Variants in ASPRV1 observed in about 807,000 individuals in gnomAD.
ASPRV1 encodes the protein aspartic peptidase retroviral like 1, also known as retroviral-like aspartic protease 1.
Under a neutral mutation model 11.0 loss-of-function variants are expected in ASPRV1, and 7 were observed. That is an observed-to-expected ratio of 0.64 (90% confidence interval 0.36 to 1.20). The LOEUF is 1.20. ASPRV1 is among the 50% of genes most tolerant of loss of function. ASPRV1 has a pLI of 0.02. For synonymous variants in ASPRV1, 136 were observed against 138.4 expected, an observed-to-expected ratio of 0.98 and a Z score of 0.12; for missense variants, 299 against 320.0, an observed-to-expected ratio of 0.93 and a Z score of 0.50.
chr2:70,067,882 A>C, the ASPRV1 span, among the ~76,000 whole-genome samples: 1 of 152,176 alleles, frequency 6.6e-6, no homozygotes, highest in Non-Finnish European at 1.5e-5. Context: ...ATTCTCTGTA[A>C]ATTAAATAAT....
At chr2:70,018,871 T>C in the ASPRV1 span, 10 of 152,170 alleles carry the variant, frequency 6.6e-5, no homozygotes, top group Admixed American at 1.3e-4. Flanking sequence ...GGCAAAAATT[T>C]TGGATATGAC....
At chr2:70,004,803 C>T in the ASPRV1 span, among the ~76,000 whole-genome samples, 1 of 152,106 alleles carries the variant, frequency 6.6e-6, no homozygotes, top group African/African-American at 2.4e-5. Flanking sequence ...TGGTTCCAGG[C>T]ACTTGAACCA....
At chr2:70,060,464 T>C in the ASPRV1 span, among the ~76,000 whole-genome samples, 4 of 151,520 alleles carry the variant, frequency 2.6e-5, no homozygotes, top group Non-Finnish European at 4.4e-5. Context: ...ATCTGCCAAA[T>C]TGACATGAGA....
the ASPRV1 span, among the ~76,000 whole-genome samples, chr2:70,037,562 G>A: frequency 6.6e-6 from 1 of 152,172 alleles, no homozygotes; most frequent in East Asian, 1.9e-4. Context: ...GGCTGAAATA[G>A]CCTTTTTCTA....
chr2:70,085,638 AG>A, the ASPRV1 span: 4 of 151,338 alleles, frequency 2.6e-5, no homozygotes, highest in African/African-American at 9.7e-5. Flanking sequence ...TTTAAAAGAG[AG>A]AGAGAGAGAG....
At chr2:69,970,053 A>T in the ASPRV1 span, among the ~76,000 whole-genome samples, 2 of 152,004 alleles carry the variant, frequency 1.3e-5, no homozygotes, top group Admixed American at 1.3e-4. Context: ...TTATCTGGCA[A>T]TGGCACTACT....
At chr2:69,947,818 C>T in the ASPRV1 span, among the ~76,000 whole-genome samples, 2 of 151,978 alleles carry the variant, frequency 1.3e-5, no homozygotes, top group Non-Finnish European at 2.9e-5. Context: ...GAGGGTGGTG[C>T]CCCAGGGCTG....
At chr2:70,057,000 G>C in the ASPRV1 span, among the ~76,000 whole-genome samples, 1 of 151,842 alleles carries the variant, frequency 6.6e-6, no homozygotes, top group Admixed American at 6.6e-5. Flanking sequence ...GCCTCCCAAA[G>C]TGCTAGGATT....
chr2:70,066,194 A>T, the ASPRV1 span, among the ~76,000 whole-genome samples: 1 of 151,224 alleles, frequency 6.6e-6, no homozygotes, highest in African/African-American at 2.4e-5. Flanking sequence ...GGAGACAGAG[A>T]CTCTGTCTCC....
chr2:70,080,683 T>C, the ASPRV1 span, among the ~76,000 whole-genome samples: 1 of 152,232 alleles, frequency 6.6e-6, no homozygotes, highest in East Asian at 1.9e-4. Context: ...ATAAAGCCTT[T>C]AACTTTCTGT....
chr2:70,040,884 AC>A, the ASPRV1 span, among the ~76,000 whole-genome samples: 3 of 152,316 alleles, frequency 2.0e-5, no homozygotes, highest in East Asian at 5.8e-4. Flanking sequence ...TTGTAGACTG[AC>A]CAAATAAACT....
Position 69,960,616 on chromosome 2 carries a change from C to G in ASPRV1, c.*41G>C. 1.9e-6 allele frequency: 3 copies of G among 1,562,246 alleles called. No homozygotes were observed. The highest frequency in any genetic ancestry group is 2.6e-6 in the Non-Finnish European group (3 of 1,154,508). On this transcript the variant is annotated 3_prime_UTR_variant, in exon 1 of 1. Transcript: ENST00000320256. ...TGCAACCCCCCCCACAGCGGTGGGT[C>G]TTCCCACCAATATTTAGGAGGTTAA...
At chr2:69,935,272 CTT>C in the ASPRV1 span, 2 of 1,017,932 alleles carry the variant, frequency 2.0e-6, no homozygotes, top group Non-Finnish European at 3.1e-6. Flanking sequence ...ACTTCACACT[CTT>C]TGAGAACTCA....
the ASPRV1 span, among the ~76,000 whole-genome samples, chr2:70,047,938 G>A: frequency 3.5e-4 from 53 of 150,372 alleles, no homozygotes; most frequent in East Asian, 2.2e-3. Flanking sequence ...GTGAAATGCC[G>A]TCTCTACTAA....
the ASPRV1 span, among the ~76,000 whole-genome samples, chr2:69,992,956 C>T: frequency 9.8e-5 from 15 of 152,318 alleles, no homozygotes; most frequent in South Asian, 2.1e-4. Flanking sequence ...CTTTCTCAGA[C>T]GGTGAGGAAT....
chr2:70,020,829 G>A, the ASPRV1 span, among the ~76,000 whole-genome samples: 2 of 152,122 alleles, frequency 1.3e-5, no homozygotes, highest in Non-Finnish European at 2.9e-5. Context: ...AGAACAGAGG[G>A]TACTAGTGGT....
chr2:70,015,937 T>C, the ASPRV1 span: 2 of 152,220 alleles, frequency 1.3e-5, no homozygotes, highest in Non-Finnish European at 2.9e-5. Flanking sequence ...CACTCCAGCC[T>C]GGGTGACAAA....
At chr2:70,013,217 C>T in the ASPRV1 span, among the ~76,000 whole-genome samples, 1 of 152,122 alleles carries the variant, frequency 6.6e-6, no homozygotes, top group African/African-American at 2.4e-5. Flanking sequence ...ATTCAAAGTG[C>T]AAGATAGAGC....
the ASPRV1 span, among the ~76,000 whole-genome samples, chr2:70,079,569 G>C: frequency 3.3e-5 from 5 of 152,132 alleles, no homozygotes; most frequent in Non-Finnish European, 7.3e-5. Flanking sequence ...TGGAGAGTGA[G>C]GAGATGAAGA....
Sources: allele counts gnomAD v4.1 joint callset (sites outside exome capture counted in the v4.1 genomes callset), GRCh38; gene constraint gnomAD v4.1.1; transcripts MANE v1.5; gene names NCBI Gene and HGNC (gene_info 2026-07-23, HGNC 2026-07-21).